ESR1: variants seen among roughly 807,000 people sequenced by gnomAD.
ESR1 encodes the protein estrogen receptor.
A neutral mutation model predicts 52.7 loss-of-function variants in ESR1; 12 were observed. The observed-to-expected ratio is 0.23, with a 90% CI of 0.15 to 0.37. The LOEUF (loss-of-function observed/expected upper bound fraction) is 0.37. Among genes scored for constraint, ESR1 ranks in the 10% least tolerant of loss-of-function variants. ESR1 has a pLI of 1.00. For missense variants in ESR1, 584 were observed against 779.7 expected (o/e 0.75, Z 2.99); for synonymous variants, 305 against 316.8 (o/e 0.96, Z 0.39).
intron 1 of ESR1, among the ~76,000 whole-genome samples, chr6:151,839,651 A>G (rs1033941907): frequency 6.6e-6 from 1 of 152,218 alleles, no homozygotes; most frequent in Admixed American, 6.5e-5. Context: ...AGACAATGGC[A>G]TATTAGTCAC....
chr6:151,744,087 T>C (rs79250992), intron 2 of ESR1, among the ~76,000 whole-genome samples: 1 of 152,216 alleles, frequency 6.6e-6, no homozygotes, highest in Non-Finnish European at 1.5e-5. Context: ...CAGCACCTCA[T>C]TTCTTTTTGT....
intron 2 of ESR1, among the ~76,000 whole-genome samples, chr6:151,790,018 G>C (rs1450772332): frequency 6.6e-6 from 1 of 152,260 alleles, no homozygotes; most frequent in East Asian, 1.9e-4. Flanking sequence ...CTCATTTATG[G>C]GCTCTTCGGA....
chr6:151,689,973 A>T (rs1420564936), upstream of ESR1, among the ~76,000 whole-genome samples: 1 of 152,198 alleles, frequency 6.6e-6, no homozygotes. Flanking sequence ...AATACCGGAC[A>T]GTTTATGGAA....
chr6:151,956,863 A>ATAT (rs1175773832), intron 4 of ESR1, among the ~76,000 whole-genome samples: 141 of 53,876 alleles, frequency 2.6e-3, no homozygotes, highest in Non-Finnish European at 4.2e-3. Context: ...TATATATATA[A>ATAT]ATATATATAT....
At chr6:151,943,361 C>T (rs1267608329) in intron 3 of ESR1, among the ~76,000 whole-genome samples, 2 of 148,556 alleles carry the variant, frequency 1.3e-5, no homozygotes, top group Admixed American at 6.7e-5. Context: ...GCCTGGGTGA[C>T]ACAGCGAGAC....
chr6:151,962,080 A>G (rs2037736977), intron 4 of ESR1, among the ~76,000 whole-genome samples: 1 of 152,120 alleles, frequency 6.6e-6, no homozygotes. Context: ...GGGGACAGTG[A>G]AAAGGGAGTA....
chr6:151,936,405 T>C (rs542180141), intron 3 of ESR1, among the ~76,000 whole-genome samples: 2 of 152,308 alleles, frequency 1.3e-5, no homozygotes, highest in African/African-American at 4.8e-5. Flanking sequence ...TTTTCTCAGT[T>C]GGGCTTGAAA....
chr6:151,958,464 A>G (rs1359306416), intron 4 of ESR1, among the ~76,000 whole-genome samples: 1 of 152,336 alleles, frequency 6.6e-6, no homozygotes, highest in South Asian at 2.1e-4. Flanking sequence ...AGCTCTGGGC[A>G]GTGTGGTTCC....
intron 2 of ESR1, among the ~76,000 whole-genome samples, chr6:151,797,045 T>G (rs529847520): frequency 6.6e-6 from 1 of 152,334 alleles, no homozygotes; most frequent in Non-Finnish European, 1.5e-5. Flanking sequence ...CTAGGACTCA[T>G]GAGATTATAG....
At position 151,755,875 on chromosome 6, in the gene ESR1, C is replaced by T. The variant is rs1020642571; in HGVS notation, c.-70-51968C>T. On this transcript the variant is annotated intron_variant, in intron 2 of 2. Coordinates refer to the ESR1 transcript ENST00000404742. The stretch of plus-strand genomic sequence containing the variant: ...TGAACTCCTGACCTCAGGTGATCTG[C>T]CCGCTTCAGCCTCCCGAAGTGCTGG... Among the ~76,000 whole-genome samples, 6 of 152,168 alleles carry T rather than the reference C, an allele frequency of 3.9e-5. No individual in the cohort carries two copies. In the East Asian group the frequency reaches 5.8e-4, roughly 15 times the overall value.
At chr6:151,819,391 C>T (rs1780193902) in intron 1 of ESR1, among the ~76,000 whole-genome samples, 1 of 152,184 alleles carries the variant, frequency 6.6e-6, no homozygotes, top group South Asian at 2.1e-4. Flanking sequence ...CTGGGCCGCA[C>T]AGCAGGAGGT....
intron 2 of ESR1, among the ~76,000 whole-genome samples, chr6:151,856,528 A>T (rs827419): frequency 2.6e-5 from 4 of 152,086 alleles, no homozygotes; most frequent in Non-Finnish European, 5.9e-5. Context: ...AAATTGTGGC[A>T]GTAAAACTGA....
chr6:151,856,739 C>T (rs1438421177), intron 2 of ESR1, among the ~76,000 whole-genome samples: 1 of 152,148 alleles, frequency 6.6e-6, no homozygotes, highest in Non-Finnish European at 1.5e-5. Context: ...TTTCACTCTG[C>T]CACCTGTTCT....
At chr6:151,971,163 A>T (rs1344384640) in intron 4 of ESR1, among the ~76,000 whole-genome samples, 1 of 152,144 alleles carries the variant, frequency 6.6e-6, no homozygotes. Flanking sequence ...ACTTGGGGGG[A>T]AATAATGATG....
intron 4 of ESR1, among the ~76,000 whole-genome samples, chr6:151,977,439 T>A (rs545594504): frequency 3.3e-5 from 2 of 61,430 alleles, no homozygotes; most frequent in African/African-American, 9.8e-5. Context: ...ATCTGTGTAG[T>A]GCAAAAAAAA....
In ESR1 at chr6:151,858,142, C is replaced by G. The variant is rs1161127501; in HGVS notation, c.643+15355C>G. ...AGGTCAAATTTGCACTCAAGTTCAG[C>G]TTTCGTTCATTATCCATGAGCCCAA... is the stretch of plus-strand genomic sequence containing the variant. On this transcript the variant is annotated intron_variant, in intron 2 of 7. Coordinates refer to ENST00000206249, the MANE Select transcript of ESR1 (RefSeq NM_000125.4). Among the ~76,000 whole-genome samples the G allele has an allele frequency of 3.9e-5, 6 of 152,150 alleles. No individual in the cohort carries two copies. The East Asian group carries it at 1.2e-3, about 29-fold the overall frequency.
intron 6 of ESR1, among the ~76,000 whole-genome samples, chr6:152,117,442 C>T (rs1440853703): frequency 1.3e-5 from 2 of 152,198 alleles, no homozygotes; most frequent in Non-Finnish European, 2.9e-5. Flanking sequence ...TGTGACGAGG[C>T]TTACCCAGGA....
intron 1 of ESR1, chr6:151,809,185 A>G (rs778897230): frequency 1.3e-5 from 6 of 458,546 alleles, no homozygotes; most frequent in Admixed American, 2.4e-5. Flanking sequence ...CGTGCGGGTC[A>G]GCCAGGGTCT....
intron 4 of ESR1, among the ~76,000 whole-genome samples, chr6:151,986,325 AGGC>A (rs1350323428): frequency 1.3e-5 from 2 of 152,112 alleles, no homozygotes; most frequent in African/African-American, 4.8e-5. Flanking sequence ...TGTTAGATAA[AGGC>A]ATTGTTGCTT....
Sources: allele counts gnomAD v4.1 joint callset (sites outside exome capture counted in the v4.1 genomes callset), GRCh38; gene constraint gnomAD v4.1.1; transcripts MANE v1.5; gene names NCBI Gene and HGNC (gene_info 2026-07-23, HGNC 2026-07-21).